FAM151B: variants seen among roughly 807,000 people sequenced by gnomAD.
The protein encoded by FAM151B is family with sequence similarity 151 member B, also known as protein FAM151B.
FAM151B carries 24 observed loss-of-function variants against 31.2 expected under a neutral mutation model. The observed-to-expected ratio is 0.77, with a 90% confidence interval of 0.56 to 1.08. The LOEUF (loss-of-function observed/expected upper bound fraction) is 1.08, where lower values mean the gene tolerates loss of function less well. Among genes scored for constraint, FAM151B ranks in the 50% least tolerant of loss-of-function variants. The probability of loss-of-function intolerance (pLI) is 0.00; values close to 1 mark genes in which losing one functional copy is unlikely to be tolerated. For missense variants in FAM151B, 293 were observed against 328.6 expected, an observed-to-expected ratio of 0.89 and a Z score of 0.84; for synonymous variants, 105 against 111.4, an observed-to-expected ratio of 0.94 and a Z score of 0.36.
chr5:80,536,337 A>ATT (rs57706841), intron 5 of FAM151B, among the ~76,000 whole-genome samples: 17 of 147,824 alleles, frequency 1.2e-4, no homozygotes, highest in African/African-American at 3.2e-4. Context: ...AGTCCAGCTC[A>ATT]TTTTTTTTTT....
intron 2 of FAM151B, among the ~76,000 whole-genome samples, chr5:80,504,991 A>G (rs1743896505): frequency 6.6e-6 from 1 of 152,182 alleles, no homozygotes; most frequent in Admixed American, 6.5e-5. Flanking sequence ...ACTTCTCTGT[A>G]TCTGCCCTCC....
intron 5 of FAM151B, among the ~76,000 whole-genome samples, chr5:80,540,971 T>C (rs142768327): frequency 3.9e-5 from 6 of 152,372 alleles, no homozygotes; most frequent in Non-Finnish European, 7.3e-5. Context: ...AATATAAATA[T>C]GAAACTGCTT....
At chr5:80,497,881 A>G (rs973938037) in intron 1 of FAM151B, among the ~76,000 whole-genome samples, 10 of 152,144 alleles carry the variant, frequency 6.6e-5, no homozygotes, top group Non-Finnish European at 1.5e-4. Flanking sequence ...AACATGGCAC[A>G]TGTATACATA....
At chr5:80,521,728 T>C (rs1744730556) in intron 4 of FAM151B, among the ~76,000 whole-genome samples, 1 of 152,174 alleles carries the variant, frequency 6.6e-6, no homozygotes, top group African/African-American at 2.4e-5. Flanking sequence ...ATTTTTTTTC[T>C]TGTGCTTGAG....
intron 5 of FAM151B, among the ~76,000 whole-genome samples, chr5:80,528,757 A>C (rs1580450134): frequency 6.6e-6 from 1 of 151,962 alleles, no homozygotes; most frequent in African/African-American, 2.4e-5. Context: ...ATTCCCTACA[A>C]AGAGACTTAG....
intron 1 of FAM151B, chr5:80,495,223 A>G (rs1743485826): frequency 6.6e-6 from 1 of 152,228 alleles, no homozygotes; most frequent in Non-Finnish European, 1.5e-5. Context: ...GGAGATGTGC[A>G]AAGAGATTGA....
chr5:80,497,380 A>C (rs982537725), intron 1 of FAM151B, among the ~76,000 whole-genome samples: 1 of 149,704 alleles, frequency 6.7e-6, no homozygotes, highest in Non-Finnish European at 1.5e-5. Flanking sequence ...ATGCCCCTGC[A>C]CTCCAGCCTG....
rs181762687 is a variant in FAM151B, at chr5:80,514,348, G to A, written c.317+579G>A. Among the ~76,000 whole-genome samples, 1,065 of 151,882 alleles carry A rather than the reference G, an allele frequency of 7.0e-3. 10 individuals are homozygous for A. The highest frequency in any genetic ancestry group is 0.024 in the South Asian group (114 of 4,816). On this transcript the variant is annotated intron_variant, in intron 3 of 5. Transcript: ENST00000282226. ...AAATTAGCCAAGCATGGTGGTGGGC[G>A]CCTGTAATCACAGCTACTGGGGAGG...
At chr5:80,506,082 C>G (rs989711810) in intron 2 of FAM151B, 2 of 985,460 alleles carry the variant, frequency 2.0e-6, no homozygotes, top group African/African-American at 3.5e-5. Flanking sequence ...TTAAGGTATC[C>G]ATTTCTGCTC....
intron 2 of FAM151B, among the ~76,000 whole-genome samples, chr5:80,513,104 A>G (rs1163791367): frequency 6.6e-6 from 1 of 152,180 alleles, no homozygotes; most frequent in African/African-American, 2.4e-5. Context: ...GAACATACTT[A>G]CACCATGTCT....
intron 4 of FAM151B, among the ~76,000 whole-genome samples, chr5:80,521,315 G>A (rs1378611524): frequency 1.3e-5 from 2 of 149,442 alleles, no homozygotes; most frequent in African/African-American, 4.9e-5. Context: ...TTGTAGAAGT[G>A]AAGTCTCACT....
At chr5:80,515,197 G>A (rs975095944) in intron 3 of FAM151B, among the ~76,000 whole-genome samples, 14 of 151,980 alleles carry the variant, frequency 9.2e-5, no homozygotes, top group Admixed American at 2.0e-4. Flanking sequence ...TTGAGATTGC[G>A]CCACGGCACT....
chr5:80,530,595 G>A (rs966500765), intron 5 of FAM151B, among the ~76,000 whole-genome samples: 1 of 152,088 alleles, frequency 6.6e-6, no homozygotes, highest in African/African-American at 2.4e-5. Flanking sequence ...ACCAATAACA[G>A]GCAAACAGAG....
rs192662637 is a variant in FAM151B at position 80,492,898 on chromosome 5, G to A, written c.25+4750G>A. Among the ~76,000 whole-genome samples, 316 of 152,198 alleles carry A rather than the reference G, an allele frequency of 2.1e-3. 1 individual carries two copies. The highest frequency in any genetic ancestry group is 7.3e-3 in the African/African-American group (301 of 41,510). ...GAGCCCATGAGTTTCAGATTATAGT[G>A]AGCTATGATTGCACCACTACACACC... On this transcript the variant is annotated intron_variant, in intron 1 of 5. Transcript: ENST00000282226.
intron 4 of FAM151B, among the ~76,000 whole-genome samples, chr5:80,520,904 G>A (rs1454134881): frequency 1.4e-5 from 2 of 148,114 alleles, no homozygotes; most frequent in Non-Finnish European, 3.0e-5. Flanking sequence ...CACCTCCCAG[G>A]TTCCCAGGTT....
At chr5:80,529,595 G>A (rs1032125541) in intron 5 of FAM151B, among the ~76,000 whole-genome samples, 1 of 152,274 alleles carries the variant, frequency 6.6e-6, no homozygotes, top group Admixed American at 6.5e-5. Flanking sequence ...TACCATCAGA[G>A]AATACTATAA....
intron 5 of FAM151B, among the ~76,000 whole-genome samples, chr5:80,526,141 C>T (rs2112654036): frequency 6.6e-6 from 1 of 152,068 alleles, no homozygotes; most frequent in African/African-American, 2.4e-5. Context: ...AAGTCAGCCT[C>T]CTTATACCCA....
chr5:80,535,914 A>G (rs1426651403), intron 5 of FAM151B, among the ~76,000 whole-genome samples: 1 of 152,220 alleles, frequency 6.6e-6, no homozygotes, highest in Non-Finnish European at 1.5e-5. Flanking sequence ...TCTGATCTTA[A>G]AATGGGCAAA....
intron 1 of FAM151B, among the ~76,000 whole-genome samples, chr5:80,494,004 G>C (rs1007476396): frequency 1.3e-5 from 2 of 152,166 alleles, no homozygotes; most frequent in African/African-American, 4.8e-5. Flanking sequence ...TGGAGACCCA[G>C]CTGTAAAATT....
Sources: gnomAD v4.1 joint callset for allele counts (sites outside exome capture counted in the v4.1 genomes callset) on GRCh38, gnomAD v4.1.1 for gene constraint, MANE v1.5 for transcripts, NCBI Gene and HGNC (gene_info 2026-07-23, HGNC 2026-07-21) for gene names.